Variants in EDNRA observed in about 807,000 individuals in gnomAD.
EDNRA encodes the protein endothelin-1 receptor.
EDNRA carries 11 observed loss-of-function variants against 41.4 expected under a neutral mutation model. That is an observed-to-expected ratio of 0.27 (90% confidence interval 0.17 to 0.44). The LOEUF (loss-of-function observed/expected upper bound fraction) is 0.44, where lower values mean the gene tolerates loss of function less well. Ranked by LOEUF, EDNRA falls within the 20% of genes least tolerant of loss-of-function variation. The pLI is 1.00. For missense variants in EDNRA, 294 were observed against 531.0 expected, an observed-to-expected ratio of 0.55 and a Z score of 4.39; for synonymous variants, 172 against 183.0, an observed-to-expected ratio of 0.94 and a Z score of 0.49.
chr4:147,482,369 T>C (rs1270190187), intron 1 of EDNRA, among the ~76,000 whole-genome samples: 1 of 152,202 alleles, frequency 6.6e-6, no homozygotes, highest in Non-Finnish European at 1.5e-5. Context: ...TAATAGTTTT[T>C]GCACTCCCCA....
At chr4:147,524,568 A>G (rs1730466162) in intron 3 of EDNRA, among the ~76,000 whole-genome samples, 1 of 152,240 alleles carries the variant, frequency 6.6e-6, no homozygotes, top group African/African-American at 2.4e-5. Flanking sequence ...AATGATGCCA[A>G]GAATCTATCT....
intron 5 of EDNRA, among the ~76,000 whole-genome samples, chr4:147,537,149 A>G (rs1730946183): frequency 6.6e-6 from 1 of 152,218 alleles, no homozygotes; most frequent in Non-Finnish European, 1.5e-5. Flanking sequence ...ATGTGCAAGC[A>G]TAGTTCCTCA....
At chr4:147,523,559 C>T (rs1457911558) in intron 3 of EDNRA, among the ~76,000 whole-genome samples, 2 of 149,622 alleles carry the variant, frequency 1.3e-5, no homozygotes, top group East Asian at 2.0e-4. Context: ...GGCTTGATCT[C>T]GGCTCACTGC....
chr4:147,509,987 C>T (rs140915968), intron 2 of EDNRA, among the ~76,000 whole-genome samples: 10 of 152,220 alleles, frequency 6.6e-5, no homozygotes, highest in Non-Finnish European at 1.3e-4. Context: ...GTCCCTGGTA[C>T]CAAAAAGGTT....
chr4:147,508,573 A>C (rs897965062), intron 2 of EDNRA, among the ~76,000 whole-genome samples: 1 of 152,320 alleles, frequency 6.6e-6, no homozygotes, highest in Non-Finnish European at 1.5e-5. Flanking sequence ...GTTTTCTTTG[A>C]ACAGTTTTAG....
intron 4 of EDNRA, among the ~76,000 whole-genome samples, chr4:147,535,018 C>G (rs1477366645): frequency 6.6e-6 from 1 of 152,144 alleles, no homozygotes; most frequent in East Asian, 1.9e-4. Context: ...TTATTTTTTA[C>G]TGTGGGAACT....
chr4:147,523,462 T>TG lies in EDNRA; in HGVS notation c.548+3484_548+3485insG, dbSNP rs1491190852. Among the ~76,000 whole-genome samples the TG allele has an allele frequency of 1.7e-3, 235 of 135,834 alleles. 2 individuals carry two copies. Among genetic ancestry groups the TG allele is most frequent in the African/African-American group, 7.5e-3 (223 of 29,876 alleles). The allele number at this position is 135,834 out of a possible 152,430, so 89.1% of individuals were successfully genotyped here. On this transcript the variant is annotated intron_variant, in intron 3 of 7. Transcript: ENST00000651419. ...GAGAGTCTGTTTTGTTGGGTGTTTG[T>TG]TTTTTTTTGTTGTTGTTGTTTTTTT...
intron 2 of EDNRA, chr4:147,494,162 C>T (rs1415496345): frequency 6.6e-6 from 1 of 152,136 alleles, no homozygotes; most frequent in African/African-American, 2.4e-5. Flanking sequence ...CTTGTTTACT[C>T]AGTAATATAA....
intron 3 of EDNRA, among the ~76,000 whole-genome samples, 175 bp from the exon 4 acceptor site, chr4:147,532,325 CAAAAAA>C (rs59851236): frequency 1.7e-3 from 103 of 60,384 alleles, no homozygotes; most frequent in Non-Finnish European, 2.9e-3. Context: ...GATTTTGCCT[CAAAAAA>C]AAAAAAAAAA....
chr4:147,500,351 A>G (rs1174856576), intron 2 of EDNRA, among the ~76,000 whole-genome samples: 1 of 152,192 alleles, frequency 6.6e-6, no homozygotes, highest in Non-Finnish European at 1.5e-5. Context: ...ATTTTTTAAC[A>G]TTAGGTGTAT....
At position 147,542,902 on chromosome 4, in the gene EDNRA, A is replaced by G. The variant is rs1336392311; in HGVS notation, c.*284A>G. The G allele has an allele frequency of 1.1e-5, 3 of 267,224 alleles. No individual in the cohort carries two copies. The highest frequency in any genetic ancestry group is 6.6e-5 in the African/African-American group (3 of 45,518). 16.6% of individuals were successfully genotyped at this position (267,224 alleles called of 1,614,324 possible). On this transcript the variant is annotated 3_prime_UTR_variant, in exon 8 of 8. Transcript: ENST00000651419. ...AGAATGAAGACTGTTAAATGAAACCAGAAGGATATTTACTACTTTTGCATG... is the reference window on the plus strand; with the variant it reads ...AGAATGAAGACTGTTAAATGAAACCGGAAGGATATTTACTACTTTTGCATG...
At position 147,532,714 on chromosome 4, in the gene EDNRA, G is replaced by A. The variant is rs752439194; in HGVS notation, c.747+10G>A. ...ATCAAAATTCATGGAGGTACTAAAC[G>A]TTTAAAAGGAATTAACTGGGGAAGG... On this transcript the variant is annotated intron_variant, in intron 4 of 7. Transcript: ENST00000651419. The A allele has an allele frequency of 2.0e-5, 32 of 1,613,436 alleles. No homozygotes were observed. Among genetic ancestry groups the A allele is most frequent in the South Asian group, 7.7e-5 (7 of 91,018 alleles).
chr4:147,540,914 T>C (rs1236179831), intron 7 of EDNRA, among the ~76,000 whole-genome samples: 1 of 151,736 alleles, frequency 6.6e-6, no homozygotes, highest in Non-Finnish European at 1.5e-5. Context: ...AAACCCTGTC[T>C]CTACTAAAAA....
intron 2 of EDNRA, among the ~76,000 whole-genome samples, chr4:147,507,305 A>C (rs1300693075): frequency 6.6e-6 from 1 of 152,168 alleles, no homozygotes; most frequent in Non-Finnish European, 1.5e-5. Context: ...CTTCAATGTG[A>C]GTGGTCAAAC....
intron 2 of EDNRA, among the ~76,000 whole-genome samples, chr4:147,499,733 T>C (rs1172888112): frequency 6.6e-6 from 1 of 151,336 alleles, no homozygotes; most frequent in Non-Finnish European, 1.5e-5. Flanking sequence ...GAAAAGGAGA[T>C]GATGAAGATT....
intron 2 of EDNRA, among the ~76,000 whole-genome samples, chr4:147,513,933 CAAGT>C (rs1730009057): frequency 6.6e-6 from 1 of 152,082 alleles, no homozygotes; most frequent in African/African-American, 2.4e-5. Context: ...AAATAATGTA[CAAGT>C]AATAGGATTA....
intron 5 of EDNRA, among the ~76,000 whole-genome samples, chr4:147,538,552 C>T (rs1730991640): frequency 6.6e-6 from 1 of 152,166 alleles, no homozygotes; most frequent in African/African-American, 2.4e-5. Context: ...GGAAAGGTAA[C>T]CTCTCCCCTA....
At chr4:147,491,581 T>G (rs1175795360) in intron 2 of EDNRA, 1 of 152,048 alleles carries the variant, frequency 6.6e-6, no homozygotes, top group East Asian at 1.9e-4. Context: ...GGGGTGGTGG[T>G]GGTGATGATG....
chr4:147,526,112 C>T (rs1730532944), intron 3 of EDNRA, among the ~76,000 whole-genome samples: 1 of 152,226 alleles, frequency 6.6e-6, no homozygotes, highest in Non-Finnish European at 1.5e-5. Context: ...AAGTCCAAGG[C>T]TGGCTAGGGC....
Sources: allele counts gnomAD v4.1 joint callset (sites outside exome capture counted in the v4.1 genomes callset), GRCh38; gene constraint gnomAD v4.1.1; transcripts MANE v1.5; gene names NCBI Gene and HGNC (gene_info 2026-07-23, HGNC 2026-07-21).